The following C1GALT1 variants were observed in gnomAD, a reference collection of about 807,000 sequenced individuals.
C1GALT1 encodes core 1 synthase, glycoprotein-N-acetylgalactosamine 3-beta-galactosyltransferase 1.
C1GALT1 carries 11 observed loss-of-function variants against 31.0 expected under a neutral mutation model. The ratio of observed to expected loss-of-function variants is 0.36; its 90% CI spans 0.22 to 0.59. C1GALT1 has a LOEUF of 0.59. C1GALT1 is among the 20% of genes least tolerant of loss of function. The pLI is 0.79. For synonymous variants in C1GALT1, 175 were observed against 143.6 expected, an observed-to-expected ratio of 1.22 and a Z score of -1.56; for missense variants, 424 against 425.2, an observed-to-expected ratio of 1.00 and a Z score of 0.03.
At chr7:7,191,321 C>A (rs1422452008) in intron 1 of C1GALT1, among the ~76,000 whole-genome samples, 1 of 152,094 alleles carries the variant, frequency 6.6e-6, no homozygotes, top group Non-Finnish European at 1.5e-5. Context: ...TCAGAATTTC[C>A]TTACTTTTCA....
chr7:7,248,121 T>C lies in C1GALT1; in HGVS notation c.*4394T>C, dbSNP rs1298374055. On this transcript the variant is annotated 3_prime_UTR_variant, in exon 4 of 4. Transcript: ENST00000436587. ...GGGAGGCAACCTGTGGTAGATTTTA[T>C]GCTAAATGTTAATGTAACCTCTGTT... is the stretch of plus-strand genomic sequence containing the variant. The C allele has an allele frequency of 1.3e-5, 2 of 152,060 alleles. No homozygotes were observed. Among genetic ancestry groups the C allele is most frequent in the African/African-American group, 4.8e-5 (2 of 41,460 alleles). 9.4% of individuals were successfully genotyped at this position (152,060 alleles called of 1,614,324 possible). A position where few individuals can be genotyped will look rare whatever the true frequency, so the allele number is the denominator to read the frequency against.
chr7:7,200,285 C>G (rs1781479676), intron 1 of C1GALT1, among the ~76,000 whole-genome samples: 1 of 152,174 alleles, frequency 6.6e-6, no homozygotes, highest in African/African-American at 2.4e-5. Flanking sequence ...GATTTTATTT[C>G]TCCTTCACTT....
chr7:7,186,206 T>C (rs929026279), intron 1 of C1GALT1, among the ~76,000 whole-genome samples: 2 of 152,188 alleles, frequency 1.3e-5, no homozygotes, highest in South Asian at 2.1e-4. Context: ...AACCCATTCA[T>C]GAGGGCTGAA....
chr7:7,227,837 AG>A (rs1782848129), intron 1 of C1GALT1, among the ~76,000 whole-genome samples: 2 of 152,162 alleles, frequency 1.3e-5, no homozygotes, highest in Admixed American at 1.3e-4. Flanking sequence ...AGTCCTCAAC[AG>A]CAAGAAGGCT....
At chr7:7,222,362 C>A (rs147322666) in intron 1 of C1GALT1, among the ~76,000 whole-genome samples, 1 of 152,274 alleles carries the variant, frequency 6.6e-6, no homozygotes, top group African/African-American at 2.4e-5. Context: ...TGAGAGACTT[C>A]GTCCAGGAAA....
intron 1 of C1GALT1, among the ~76,000 whole-genome samples, chr7:7,204,424 A>T (rs182489574): frequency 1.3e-5 from 2 of 151,732 alleles, no homozygotes; most frequent in Non-Finnish European, 2.9e-5. Flanking sequence ...CCCTACTTTC[A>T]TTTCTGATTT....
chr7:7,160,465 C>T (rs186439549), intron 2 of C1GALT1, among the ~76,000 whole-genome samples: 9 of 152,108 alleles, frequency 5.9e-5, no homozygotes, highest in Admixed American at 3.3e-4. Flanking sequence ...GTAGAACAGG[C>T]GGGAAGACAA....
At chr7:7,224,407 G>T (rs1433985988) in intron 1 of C1GALT1, among the ~76,000 whole-genome samples, 2 of 146,984 alleles carry the variant, frequency 1.4e-5, no homozygotes, top group African/African-American at 5.0e-5. Flanking sequence ...ATAATTTTTA[G>T]AACATCTGTT....
chr7:7,205,261 C>T (rs1365551584), intron 1 of C1GALT1, among the ~76,000 whole-genome samples: 1 of 152,128 alleles, frequency 6.6e-6, no homozygotes, highest in Admixed American at 6.5e-5. Flanking sequence ...ATCCCCCCCA[C>T]GGAAATCTGC....
chr7:7,213,100 G>C (rs557083782), intron 1 of C1GALT1, among the ~76,000 whole-genome samples: 4 of 152,262 alleles, frequency 2.6e-5, no homozygotes, highest in Admixed American at 1.3e-4. Context: ...GTTAACTCTT[G>C]TTTTGCTTGA....
intron 1 of C1GALT1, among the ~76,000 whole-genome samples, chr7:7,212,454 A>G (rs373626543): frequency 8.6e-4 from 131 of 152,354 alleles, no homozygotes; most frequent in African/African-American, 3.0e-3. Flanking sequence ...GCAAACAACT[A>G]TATTGCCATA....
rs147079468 is a variant in C1GALT1 at position 7,200,554 on chromosome 7, T to C, written c.-18+17734T>C. 3.8e-3 allele frequency among the ~76,000 whole-genome samples: 582 copies of C among 152,262 alleles called. 4 individuals carry two copies. The highest frequency in any genetic ancestry group is 0.013 in the African/African-American group (528 of 41,542). On this transcript the variant is annotated intron_variant, in intron 1 of 3. Coordinates refer to ENST00000436587, the MANE Select transcript of C1GALT1 (RefSeq NM_020156.5). ...TTGAATGTTGGCCTGCCTCGCTAGA[T>C]TGGGGGGGTTCTCCTGGATTATATC...
At chr7:7,239,312 A>G (rs1237086436) in intron 3 of C1GALT1, among the ~76,000 whole-genome samples, 1 of 152,198 alleles carries the variant, frequency 6.6e-6, no homozygotes, top group African/African-American at 2.4e-5. Context: ...AGTGACCCAG[A>G]GTGGGATGGA....
chr7:7,219,118 G>A (rs983378655), intron 1 of C1GALT1, among the ~76,000 whole-genome samples: 5 of 152,146 alleles, frequency 3.3e-5, no homozygotes, highest in East Asian at 1.9e-4. Context: ...GATTACAGGC[G>A]TGAGCCACTG....
upstream of C1GALT1, among the ~76,000 whole-genome samples, chr7:7,177,721 C>T (rs1310024677): frequency 1.3e-5 from 2 of 152,204 alleles, no homozygotes; most frequent in African/African-American, 4.8e-5. Context: ...TAAGTTGTCA[C>T]TTCCTGAAAG....
At position 7,210,047 on chromosome 7, in the gene C1GALT1, AT is replaced by A. The variant is rs1404583287; in HGVS notation, c.-17-24252del. On this transcript the variant is annotated intron_variant, in intron 1 of 3. Coordinates refer to ENST00000436587, the MANE Select transcript of C1GALT1 (RefSeq NM_020156.5). ...TCATCAGTTAAGGGAGGAACAGGCC[AT>A]TTTCACTTCTTTTGTGATTTTTCAG... Among the ~76,000 whole-genome samples the A allele has an allele frequency of 3.3e-5, 5 of 152,020 alleles. 1 individual carries two copies. Among genetic ancestry groups the A allele is most frequent in the Non-Finnish European group, 5.9e-5 (4 of 68,002 alleles).
At chr7:7,236,578 G>C (rs997819801) in intron 2 of C1GALT1, among the ~76,000 whole-genome samples, 2 of 152,102 alleles carry the variant, frequency 1.3e-5, no homozygotes, top group Non-Finnish European at 2.9e-5. Flanking sequence ...CTGGACTGCA[G>C]TGGTGGGATC....
At chr7:7,213,583 A>G (rs1249958878) in intron 1 of C1GALT1, among the ~76,000 whole-genome samples, 1 of 152,204 alleles carries the variant, frequency 6.6e-6, no homozygotes, top group Admixed American at 6.5e-5. Context: ...CAATTTCCAG[A>G]TTGGCATAAA....
At chr7:7,188,345 A>C (rs1162988950) in intron 1 of C1GALT1, among the ~76,000 whole-genome samples, 1 of 152,208 alleles carries the variant, frequency 6.6e-6, no homozygotes, top group Non-Finnish European at 1.5e-5. Flanking sequence ...GAGGTGTTGA[A>C]TTAGAGATGC....
Sources: gnomAD v4.1 joint callset for allele counts (sites outside exome capture counted in the v4.1 genomes callset) on GRCh38, gnomAD v4.1.1 for gene constraint, MANE v1.5 for transcripts, NCBI Gene and HGNC (gene_info 2026-07-23, HGNC 2026-07-21) for gene names.